Variants in ANXA8 observed in about 807,000 individuals in gnomAD.
The protein encoded by ANXA8 is annexin A8, also known as VAC-beta.
Under a neutral mutation model 26.8 loss-of-function variants are expected in ANXA8, and 9 were observed. The observed-to-expected ratio is 0.34, with a 90% CI of 0.20 to 0.59. The LOEUF (loss-of-function observed/expected upper bound fraction) is 0.59, where lower values mean the gene tolerates loss of function less well. Among genes scored for constraint, ANXA8 ranks in the 20% least tolerant of loss-of-function variants. ANXA8 has a pLI of 0.84. For synonymous variants in ANXA8, 39 were observed against 94.8 expected (o/e 0.41, Z 3.42); for missense variants, 83 against 238.5 (o/e 0.35, Z 4.29).
chr10:47,630,473 T>C, the ANXA8 span, among the ~76,000 whole-genome samples: 1 of 149,834 alleles, frequency 6.7e-6, no homozygotes, highest in East Asian at 1.9e-4. Flanking sequence ...AATTAAACTA[T>C]AATTAAAACA....
the ANXA8 span, among the ~76,000 whole-genome samples, chr10:47,511,014 G>T: frequency 1.6e-5 from 2 of 126,984 alleles, no homozygotes; most frequent in Non-Finnish European, 3.2e-5. Flanking sequence ...CGCGATCTCG[G>T]CTCACTGCAA....
the ANXA8 span, among the ~76,000 whole-genome samples, chr10:47,659,692 A>G: frequency 8.0e-5 from 12 of 150,558 alleles, no homozygotes; most frequent in African/African-American, 2.7e-4. Flanking sequence ...AAAAAAAAAA[A>G]GAGTGTTTTA....
the ANXA8 span, among the ~76,000 whole-genome samples, chr10:47,768,460 A>G: frequency 6.6e-6 from 1 of 151,196 alleles, no homozygotes; most frequent in African/African-American, 2.5e-5. Flanking sequence ...GCAGATTTCC[A>G]AAGGTGGCTG....
the ANXA8 span, among the ~76,000 whole-genome samples, chr10:47,700,657 T>C: frequency 6.6e-6 from 1 of 151,864 alleles, no homozygotes; most frequent in Admixed American, 6.6e-5. Flanking sequence ...TACATTTTAC[T>C]GTAGAAAAAT....
the ANXA8 span, among the ~76,000 whole-genome samples, chr10:47,682,029 C>T: frequency 1.3e-5 from 2 of 150,822 alleles, no homozygotes; most frequent in African/African-American, 4.9e-5. Context: ...TTACACAGAC[C>T]TGGCGGCCAT....
chr10:47,497,288 C>T, the ANXA8 span, among the ~76,000 whole-genome samples: 4 of 123,472 alleles, frequency 3.2e-5, no homozygotes, highest in African/African-American at 1.3e-4. Flanking sequence ...CATTGCACTC[C>T]AGCCTGGATA....
the ANXA8 span, among the ~76,000 whole-genome samples, chr10:47,747,301 C>G: frequency 6.6e-6 from 1 of 151,888 alleles, no homozygotes; most frequent in Non-Finnish European, 1.5e-5. Flanking sequence ...AAGGGAGACA[C>G]AGAAAAGGAA....
At chr10:47,527,657 T>A in the ANXA8 span, among the ~76,000 whole-genome samples, 2 of 141,540 alleles carry the variant, frequency 1.4e-5, 1 homozygote, top group African/African-American at 5.3e-5. Context: ...TGGGCTTGTG[T>A]GTGTGTGTGA....
At chr10:47,704,819 G>C in the ANXA8 span, among the ~76,000 whole-genome samples, 1 of 151,958 alleles carries the variant, frequency 6.6e-6, no homozygotes, top group Non-Finnish European at 1.5e-5. Flanking sequence ...CAAAGTATGT[G>C]CAAGACCTAA....
At chr10:47,768,626 G>A in the ANXA8 span, among the ~76,000 whole-genome samples, 1 of 151,408 alleles carries the variant, frequency 6.6e-6, no homozygotes, top group African/African-American at 2.4e-5. Context: ...TGTGCTCGGG[G>A]AGGGGGCTGT....
chr10:47,484,467 G>A (rs1839986521), upstream of ANXA8: 4 of 1,092,648 alleles, frequency 3.7e-6, no homozygotes, highest in East Asian at 2.8e-5. Flanking sequence ...CGGGGGCAAG[G>A]GGCTCATATT....
At chr10:47,556,146 A>T in the ANXA8 span, among the ~76,000 whole-genome samples, 5 of 151,884 alleles carry the variant, frequency 3.3e-5, no homozygotes, top group Admixed American at 1.3e-4. Context: ...AAAATAAAGA[A>T]GATCTGGTGT....
the ANXA8 span, among the ~76,000 whole-genome samples, chr10:47,656,931 A>G: frequency 6.7e-6 from 1 of 149,810 alleles, no homozygotes; most frequent in African/African-American, 2.5e-5. Flanking sequence ...GACCCTGGGA[A>G]GTGTTGCCTG....
the ANXA8 span, among the ~76,000 whole-genome samples, chr10:47,511,105 G>A: frequency 1.6e-5 from 2 of 127,528 alleles, no homozygotes; most frequent in African/African-American, 3.2e-5. Flanking sequence ...CACCATGCCC[G>A]GCTAACTTTT....
the ANXA8 span, among the ~76,000 whole-genome samples, chr10:47,700,592 G>A: frequency 6.6e-6 from 1 of 151,560 alleles, no homozygotes; most frequent in East Asian, 1.9e-4. Flanking sequence ...TTGGTGTAGG[G>A]AAAGGCTTTT....
chr10:47,705,387 TTGTAGA>T, the ANXA8 span, among the ~76,000 whole-genome samples: 4 of 130,780 alleles, frequency 3.1e-5, no homozygotes, highest in East Asian at 8.6e-4. Flanking sequence ...TCAGCATATC[TTGTAGA>T]TGTTGATAGA....
At chr10:47,681,848 G>A in the ANXA8 span, among the ~76,000 whole-genome samples, 4 of 118,442 alleles carry the variant, frequency 3.4e-5, no homozygotes, top group East Asian at 1.0e-3. Context: ...GCCAAATTCT[G>A]GCCTTTTGAT....
the ANXA8 span, among the ~76,000 whole-genome samples, chr10:47,762,403 G>C: frequency 1.9e-4 from 23 of 123,484 alleles, no homozygotes; most frequent in Non-Finnish European, 3.4e-4. Context: ...CAGGTCTCAG[G>C]GATCTGCACT....
At chr10:47,711,636 C>T in the ANXA8 span, among the ~76,000 whole-genome samples, 3 of 146,254 alleles carry the variant, frequency 2.1e-5, no homozygotes, top group Non-Finnish European at 4.4e-5. Flanking sequence ...CAGTGATAGA[C>T]TAACTATGAT....
Sources: gnomAD v4.1 joint callset for allele counts (sites outside exome capture counted in the v4.1 genomes callset) on GRCh38, gnomAD v4.1.1 for gene constraint, MANE v1.5 for transcripts, NCBI Gene and HGNC (gene_info 2026-07-23, HGNC 2026-07-21) for gene names.